ANKDD1B: variants seen among roughly 807,000 people sequenced by gnomAD.
The protein encoded by ANKDD1B is ankyrin repeat and death domain-containing protein 1B.
A neutral mutation model predicts 59.7 loss-of-function variants in ANKDD1B; 57 were observed. That is an observed-to-expected ratio of 0.95 (90% CI 0.77 to 1.19). The LOEUF (loss-of-function observed/expected upper bound fraction) is 1.19. ANKDD1B is among the 50% of genes most tolerant of loss of function. The pLI, the probability that ANKDD1B is intolerant of heterozygous loss-of-function variation, is 0.00. For synonymous variants in ANKDD1B, 216 were observed against 239.5 expected (o/e 0.90, Z 0.91); for missense variants, 602 against 641.9 (o/e 0.94, Z 0.67).
intron 7 of ANKDD1B, among the ~76,000 whole-genome samples, chr5:75,639,983 C>A (rs773947678): frequency 1.9e-4 from 29 of 151,946 alleles, no homozygotes; most frequent in South Asian, 4.1e-4. Flanking sequence ...TTGGTACAAA[C>A]GTACTTCTAA....
chr5:75,654,702 C>G (rs1406124352), intron 8 of ANKDD1B, among the ~76,000 whole-genome samples: 2 of 152,084 alleles, frequency 1.3e-5, no homozygotes, highest in Admixed American at 1.3e-4. Context: ...ATAAAAGAAA[C>G]AGTTGGGGAA....
intron 12 of ANKDD1B, among the ~76,000 whole-genome samples, chr5:75,667,599 C>G (rs983707118): frequency 1.1e-4 from 16 of 152,180 alleles, no homozygotes; most frequent in Non-Finnish European, 2.1e-4. Flanking sequence ...TGGACTCAAA[C>G]TGTCATAATT....
At chr5:75,622,318 C>G (rs1263162515) in intron 3 of ANKDD1B, among the ~76,000 whole-genome samples, 1 of 152,192 alleles carries the variant, frequency 6.6e-6, no homozygotes, top group Non-Finnish European at 1.5e-5. Flanking sequence ...CCACCCCAGG[C>G]CTTAATCAGA....
At chr5:75,638,016 C>A (rs1277389201) in intron 7 of ANKDD1B, among the ~76,000 whole-genome samples, 1 of 152,210 alleles carries the variant, frequency 6.6e-6, no homozygotes, top group East Asian at 1.9e-4. Context: ...ATGACCTAAT[C>A]ACCTTGTAAA....
chr5:75,644,414 C>A (rs368209880), intron 7 of ANKDD1B, among the ~76,000 whole-genome samples: 3 of 88,390 alleles, frequency 3.4e-5, no homozygotes, highest in Middle Eastern at 4.3e-3. Context: ...TCTACCAAGC[C>A]AATGGAAAAC....
chr5:75,655,509 TC>T (rs1030702899), intron 8 of ANKDD1B, among the ~76,000 whole-genome samples: 19 of 152,230 alleles, frequency 1.2e-4, no homozygotes, highest in African/African-American at 4.6e-4. Flanking sequence ...TTTTGAAGTC[TC>T]TGAGAAGTCC....
intron 8 of ANKDD1B, among the ~76,000 whole-genome samples, chr5:75,655,430 A>C (rs879345108): frequency 5.3e-5 from 8 of 152,202 alleles, no homozygotes; most frequent in Non-Finnish European, 1.0e-4. Flanking sequence ...GCTCCAGAGC[A>C]AATCAATTCA....
intron 12 of ANKDD1B, 81 bp from the exon 13 acceptor site, chr5:75,669,171 A>C: frequency 8.3e-7 from 1 of 1,208,780 alleles, no homozygotes; most frequent in Non-Finnish European, 1.0e-6. Context: ...TCATTCAGAA[A>C]GTTTAGTTGG....
intron 5 of ANKDD1B, among the ~76,000 whole-genome samples, chr5:75,631,477 A>C (rs558550255): frequency 6.6e-6 from 1 of 152,348 alleles, no homozygotes; most frequent in African/African-American, 2.4e-5. Context: ...CTCTGAGTGC[A>C]GTGACTCTTG....
rs1268596547 is a variant in ANKDD1B at position 75,671,051 on chromosome 5, A to C, written c.*11A>C. ...TGTGTAGTTTCATAAATGCCTAAAG[A>C]AATTGTATTTACATGATTTTCCACT... On this transcript the variant is annotated 3_prime_UTR_variant, in exon 14 of 14. Coordinates refer to ENST00000601380, the MANE Select transcript of ANKDD1B (RefSeq NM_001276713.2). The C allele has an allele frequency of 8.3e-7, 1 of 1,207,828 alleles. No individual in the cohort carries two copies. Among genetic ancestry groups the C allele is most frequent in the African/African-American group, 1.6e-5 (1 of 63,964 alleles). 74.8% of individuals were successfully genotyped at this position (1,207,828 alleles called of 1,614,324 possible).
At chr5:75,653,346 G>A in intron 8 of ANKDD1B, 106 bp downstream of exon 8, 1 of 738,656 alleles carries the variant, frequency 1.4e-6, no homozygotes, top group Non-Finnish European at 2.3e-6. Context: ...TGTTTCACAA[G>A]GGAGGAATTC....
chr5:75,634,307 G>C (rs568096484), intron 5 of ANKDD1B, among the ~76,000 whole-genome samples: 66 of 152,178 alleles, frequency 4.3e-4, no homozygotes, highest in Non-Finnish European at 2.4e-4. Flanking sequence ...GTATTCTCTG[G>C]GTAATGCCTC....
Position 75,670,960 on chromosome 5 carries a change from GTTATC to G in ANKDD1B, c.1526-14_1526-10del. 1.7e-6 allele frequency: 2 copies of G among 1,176,444 alleles called. No homozygotes were observed. The highest frequency in any genetic ancestry group is 2.1e-6 in the Non-Finnish European group (2 of 937,452). 72.9% of individuals were successfully genotyped at this position (1,176,444 alleles called of 1,614,324 possible). A position where few individuals can be genotyped will look rare whatever the true frequency, so the allele number is the denominator to read the frequency against. On this transcript the variant is annotated splice_polypyrimidine_tract_variant and intron_variant, in intron 13 of 13. Transcript: ENST00000601380. ...TTAAAAATTTTAGGTATTCATAAAT[GTTATC>G]TTATTTTTTCCAGAAAAGACTCGTC...
intron 3 of ANKDD1B, 149 bp from the exon 4 acceptor site, chr5:75,625,498 A>G (rs1773966803): frequency 4.7e-6 from 3 of 636,566 alleles, no homozygotes; most frequent in Non-Finnish European, 8.1e-6. Flanking sequence ...TTTTCCCCAT[A>G]GGACCGAAAT....
chr5:75,663,628 T>C (rs948785636), intron 11 of ANKDD1B, 139 bp downstream of exon 11: 2 of 699,948 alleles, frequency 2.9e-6, no homozygotes, highest in African/African-American at 1.8e-5. Flanking sequence ...GTCCCTTCTG[T>C]CTTGTGCTGC....
At chr5:75,640,846 G>A (rs745999957) in intron 7 of ANKDD1B, among the ~76,000 whole-genome samples, 2 of 152,204 alleles carry the variant, frequency 1.3e-5, no homozygotes, top group Non-Finnish European at 2.9e-5. Context: ...AAGAATTAAT[G>A]ATTTACCTCT....
chr5:75,627,538 T>C (rs547389857), intron 5 of ANKDD1B, among the ~76,000 whole-genome samples: 2 of 152,304 alleles, frequency 1.3e-5, no homozygotes, highest in South Asian at 2.1e-4. Flanking sequence ...ACAATTGTTA[T>C]AGGATAAAAT....
chr5:75,632,081 T>G (rs1187679197), intron 5 of ANKDD1B, among the ~76,000 whole-genome samples: 3 of 139,280 alleles, frequency 2.2e-5, no homozygotes, highest in African/African-American at 8.1e-5. Flanking sequence ...CACTGCAGCC[T>G]GGGCAACAGA....
chr5:75,665,970 C>A (rs561730016), intron 11 of ANKDD1B, among the ~76,000 whole-genome samples: 7 of 152,118 alleles, frequency 4.6e-5, no homozygotes, highest in African/African-American at 1.2e-4. Flanking sequence ...TGGTGGGCCA[C>A]TTGTCCTGCA....
Sources: allele counts gnomAD v4.1 joint callset (sites outside exome capture counted in the v4.1 genomes callset), GRCh38; gene constraint gnomAD v4.1.1; transcripts MANE v1.5; gene names NCBI Gene and HGNC (gene_info 2026-07-23, HGNC 2026-07-21).